SFMBT2: variants seen among roughly 807,000 people sequenced by gnomAD.
SFMBT2 encodes the protein scm-like with four MBT domains protein 2.
Under a neutral mutation model 110.1 loss-of-function variants are expected in SFMBT2, and 38 were observed. The observed-to-expected ratio is 0.35, with a 90% CI of 0.27 to 0.45. SFMBT2 has a LOEUF of 0.45. Ranked by LOEUF, SFMBT2 falls within the 20% of genes least tolerant of loss-of-function variation. The pLI, the probability that SFMBT2 is intolerant of heterozygous loss-of-function variation, is 1.00. For missense variants in SFMBT2, 1,011 were observed against 1,094.9 expected, an observed-to-expected ratio of 0.92 and a Z score of 1.08; for synonymous variants, 425 against 425.4, an observed-to-expected ratio of 1.00 and a Z score of 0.01.
At chr10:7,198,913 C>T (rs549956671) in intron 14 of SFMBT2, among the ~76,000 whole-genome samples, 33 of 152,144 alleles carry the variant, frequency 2.2e-4, no homozygotes, top group Admixed American at 2.2e-3. Flanking sequence ...TGGTAGCATG[C>T]GCCTGTAATC....
intron 7 of SFMBT2, among the ~76,000 whole-genome samples, chr10:7,263,423 G>A (rs1401165120): frequency 1.3e-5 from 2 of 152,080 alleles, no homozygotes; most frequent in Non-Finnish European, 2.9e-5. Context: ...TGTATTTTTA[G>A]TAGAGACAGG....
At chr10:7,403,099 GA>G (rs1179242045) in intron 1 of SFMBT2, among the ~76,000 whole-genome samples, 2 of 152,146 alleles carry the variant, frequency 1.3e-5, no homozygotes, top group Non-Finnish European at 2.9e-5. Context: ...TGTCCTAACT[GA>G]GCATCTGCAC....
chr10:7,340,082 C>A (rs944978725), intron 4 of SFMBT2, among the ~76,000 whole-genome samples: 4 of 152,172 alleles, frequency 2.6e-5, no homozygotes, highest in Non-Finnish European at 4.4e-5. Flanking sequence ...CGGTGGGGAT[C>A]CATCAGGGGC....
chr10:7,261,378 GTAACACTC>G, intron 7 of SFMBT2, among the ~76,000 whole-genome samples: 1 of 151,938 alleles, frequency 6.6e-6, no homozygotes, highest in East Asian at 1.9e-4. Flanking sequence ...GCCAGGGTTT[GTAACACTC>G]TGGCCATGCC....
chr10:7,337,245 A>G (rs1044267877), intron 4 of SFMBT2, among the ~76,000 whole-genome samples: 2 of 152,240 alleles, frequency 1.3e-5, no homozygotes, highest in Non-Finnish European at 2.9e-5. Flanking sequence ...CGCTGCTATT[A>G]GGCCCAAAGA....
intron 4 of SFMBT2, among the ~76,000 whole-genome samples, chr10:7,365,212 T>G (rs1844853552): frequency 6.6e-6 from 1 of 152,210 alleles, no homozygotes; most frequent in African/African-American, 2.4e-5. Flanking sequence ...ACAGCCATTC[T>G]CCAGCACTCA....
In SFMBT2 at chr10:7,179,391, GAAAAAAAAA is replaced by G. The variant is rs57497418; in HGVS notation, c.1809-3235_1809-3227del. ...TGCTTATTGCTTTTGTTGCATTTTC[GAAAAAAAAA>G]AAAAAAAAAAAAAAAACAAAAGAAA... On this transcript the variant is annotated intron_variant, in intron 16 of 20. Transcript: ENST00000397167. Among the ~76,000 whole-genome samples the G allele has an allele frequency of 2.2e-3, 152 of 70,334 alleles. 1 individual carries two copies. The Middle Eastern group carries it at 0.038, about 18-fold the overall frequency. The allele number at this position is 70,334 out of a possible 152,430, so 46.1% of individuals were successfully genotyped here.
At chr10:7,340,788 C>T (rs1249560491) in intron 4 of SFMBT2, among the ~76,000 whole-genome samples, 6 of 145,030 alleles carry the variant, frequency 4.1e-5, no homozygotes, top group Non-Finnish European at 8.9e-5. Flanking sequence ...CCAACCAGTG[C>T]GAGGTCCCAG....
Position 7,163,993 on chromosome 10 carries a change from G to A in SFMBT2, c.2545-83C>T, listed in dbSNP as rs1200121965. On this transcript the variant is annotated intron_variant, in intron 20 of 20. Coordinates refer to ENST00000397167, the MANE Select transcript of SFMBT2 (RefSeq NM_001387889.1). The surrounding 1 kb of genome is among the most constrained non-coding windows in gnomAD (Gnocchi z 4.8). Reference sequence around the variant, plus strand: ...GCGTCACAGCAGGCTCCAGTCCGGGGCCAAACATGACAACAGGATGCTCTT... The same window carrying A: ...GCGTCACAGCAGGCTCCAGTCCGGGACCAAACATGACAACAGGATGCTCTT... 1 of 1,494,300 alleles carries A rather than the reference G, an allele frequency of 6.7e-7. No homozygotes were observed. The highest frequency in any genetic ancestry group is 8.9e-7 in the Non-Finnish European group (1 of 1,122,674). 92.6% of individuals were successfully genotyped at this position (1,494,300 alleles called of 1,614,324 possible).
intron 7 of SFMBT2, among the ~76,000 whole-genome samples, chr10:7,261,955 C>T (rs1337090646): frequency 6.6e-6 from 1 of 152,230 alleles, no homozygotes; most frequent in Non-Finnish European, 1.5e-5. Context: ...TGACACCCAG[C>T]AAAGTAGGCC....
rs1837853471 is a variant in SFMBT2 at position 7,170,836 on chromosome 10, A to G, written c.2544+92T>C. 1 of 1,484,620 alleles carries G rather than the reference A, an allele frequency of 6.7e-7. No individual in the cohort carries two copies. The highest frequency in any genetic ancestry group is 9.3e-7 in the Non-Finnish European group (1 of 1,075,102). The allele number at this position is 1,484,620 out of a possible 1,614,324, so 92.0% of individuals were successfully genotyped here. On this transcript the variant is annotated intron_variant, in intron 20 of 20. Coordinates refer to ENST00000397167, the MANE Select transcript of SFMBT2 (RefSeq NM_001387889.1). The surrounding 1 kb of genome is among the most constrained non-coding windows in gnomAD (Gnocchi z 4.6). ...GAGCAGCGCCGAAGAACCCCCTCGC[A>G]GGTGTCACGAGGAAGCCGGCTAGGA...
intron 1 of SFMBT2, among the ~76,000 whole-genome samples, chr10:7,387,209 A>C (rs551232492): frequency 6.6e-6 from 1 of 152,300 alleles, no homozygotes; most frequent in Non-Finnish European, 1.5e-5. Flanking sequence ...CTCCAAATTA[A>C]TTCCTCCTGA....
At position 7,301,705 on chromosome 10, in the gene SFMBT2, C is replaced by T. The variant is rs1180463756; in HGVS notation, c.437-15751G>A. 1.3e-5 allele frequency among the ~76,000 whole-genome samples: 2 copies of T among 152,180 alleles called. No individual in the cohort carries two copies. Among genetic ancestry groups the T allele is most frequent in the Non-Finnish European group, 2.9e-5 (2 of 68,038 alleles). On this transcript the variant is annotated intron_variant, in intron 4 of 20. Coordinates refer to ENST00000397167, the MANE Select transcript of SFMBT2 (RefSeq NM_001387889.1). The surrounding 1 kb of genome is among the most constrained non-coding windows in gnomAD (Gnocchi z 4.2). ...TTCTGAAACGCAGAAACTGGTATTT[C>T]TTGACATGGGCTCCCCAGAAGTCAC...
At chr10:7,280,309 G>A (rs1712004125) in intron 6 of SFMBT2, among the ~76,000 whole-genome samples, 1 of 151,924 alleles carries the variant, frequency 6.6e-6, no homozygotes, top group Admixed American at 6.6e-5. Context: ...TTTGGACTAA[G>A]TAATAGTTCA....
intron 7 of SFMBT2, among the ~76,000 whole-genome samples, chr10:7,264,937 G>GA (rs35999336): frequency 0.14 from 13,156 of 95,108 alleles, 693 homozygotes; most frequent in African/African-American, 0.18. Flanking sequence ...TAAAAAAGAG[G>GA]AAAAAAAAAA....
rs1328046575 is a variant in SFMBT2 at position 7,186,015 on chromosome 10, A to G, written c.1808+2609T>C. Among the ~76,000 whole-genome samples the G allele has an allele frequency of 1.2e-4, 19 of 152,196 alleles. No homozygotes were observed. In the East Asian group the frequency reaches 3.3e-3, roughly 26 times the overall value. ...AAAGCTAGCAAATTTTTGCTTTTCAATACATGTTGAAGGTAATAATGATAG... is the reference window on the plus strand; with the variant it reads ...AAAGCTAGCAAATTTTTGCTTTTCAGTACATGTTGAAGGTAATAATGATAG... On this transcript the variant is annotated intron_variant, in intron 16 of 20. Coordinates refer to ENST00000397167, the MANE Select transcript of SFMBT2 (RefSeq NM_001387889.1).
At chr10:7,387,818 T>G (rs1011353249) in intron 1 of SFMBT2, among the ~76,000 whole-genome samples, 1 of 148,706 alleles carries the variant, frequency 6.7e-6, no homozygotes, top group Non-Finnish European at 1.5e-5. Context: ...TATGGTCGTG[T>G]GCACCTGTAA....
intron 1 of SFMBT2, among the ~76,000 whole-genome samples, chr10:7,392,983 T>C (rs1347443296): frequency 2.5e-4 from 15 of 59,958 alleles, no homozygotes; most frequent in Middle Eastern, 0.021. Context: ...TGTGGATAGA[T>C]TATATATATA....
At chr10:7,173,924 C>T (rs1481215880) in intron 17 of SFMBT2, among the ~76,000 whole-genome samples, 2 of 152,204 alleles carry the variant, frequency 1.3e-5, no homozygotes, top group Admixed American at 1.3e-4. Flanking sequence ...GTCACCTATC[C>T]TTTCTGCACC....
Sources: allele counts gnomAD v4.1 joint callset (sites outside exome capture counted in the v4.1 genomes callset), GRCh38; gene constraint gnomAD v4.1.1; non-coding constraint Gnocchi (gnomAD v3.1); transcripts MANE v1.5; gene names NCBI Gene and HGNC (gene_info 2026-07-23, HGNC 2026-07-21).